Variants in STRBP observed in about 807,000 individuals in gnomAD.
STRBP encodes the protein spermatid perinuclear RNA binding protein.
In STRBP, 13 loss-of-function variants were observed where a neutral mutation model predicts 80.1. That is an observed-to-expected ratio of 0.16 (90% CI 0.11 to 0.26). STRBP has a LOEUF of 0.26. STRBP is among the 10% of genes least tolerant of loss of function. STRBP has a pLI of 1.00. For missense variants in STRBP, 485 were observed against 815.2 expected (o/e 0.59, Z 4.93); for synonymous variants, 284 against 291.2 (o/e 0.98, Z 0.25).
chr9:123,231,644 G>C (rs1385485026), intron 2 of STRBP, among the ~76,000 whole-genome samples: 1 of 152,088 alleles, frequency 6.6e-6, no homozygotes, highest in African/African-American at 2.4e-5. Flanking sequence ...AAGTACTAAA[G>C]ATTTTACTAC....
At chr9:123,165,530 GGTGTCTCTTAGTCTAAGCCACAA>G (rs2037718560) in intron 6 of STRBP, among the ~76,000 whole-genome samples, 1 of 152,076 alleles carries the variant, frequency 6.6e-6, no homozygotes, top group African/African-American at 2.4e-5. Flanking sequence ...TGAGGAGAGA[GGTGTCTCTTAGTCTAAGCCACAA>G]GTGTCTCTGT....
chr9:123,152,500 GTTAA>G (rs2037099728), intron 11 of STRBP, among the ~76,000 whole-genome samples: 1 of 151,948 alleles, frequency 6.6e-6, no homozygotes, highest in South Asian at 2.1e-4. Flanking sequence ...TAGGTAAACA[GTTAA>G]ATAAACTCTA....
intron 13 of STRBP, among the ~76,000 whole-genome samples, chr9:123,140,736 C>T (rs1311489904): frequency 6.6e-6 from 1 of 152,196 alleles, no homozygotes; most frequent in Non-Finnish European, 1.5e-5. Context: ...TTATGGCTAC[C>T]TCCAACGTTC....
chr9:123,135,650 G>C lies in STRBP; in HGVS notation c.1773+391C>G, dbSNP rs138359343. On this transcript the variant is annotated intron_variant, in intron 16 of 18. Coordinates refer to ENST00000348403, the MANE Select transcript of STRBP (RefSeq NM_018387.5). ...AAAGCACGAAACTGCAAAGGAACTG[G>C]AAGAGCACCCGCAGGCTGATGAAAG... is the stretch of plus-strand genomic sequence containing the variant. Among the ~76,000 whole-genome samples, 290 of 152,210 alleles carry C rather than the reference G, an allele frequency of 1.9e-3. 1 individual carries two copies. The highest frequency in any genetic ancestry group is 2.8e-3 in the Non-Finnish European group (189 of 68,008).
At chr9:123,229,930 T>C (rs896820483) in intron 2 of STRBP, among the ~76,000 whole-genome samples, 9 of 152,116 alleles carry the variant, frequency 5.9e-5, no homozygotes, top group Admixed American at 2.6e-4. Context: ...GCATAGGGTG[T>C]ATGAAGGTAT....
chr9:123,154,239 T>C (rs1191471161), intron 11 of STRBP, among the ~76,000 whole-genome samples: 1 of 152,224 alleles, frequency 6.6e-6, no homozygotes, highest in East Asian at 1.9e-4. Flanking sequence ...AGCATATTCA[T>C]AGTGGATACT....
intron 2 of STRBP, among the ~76,000 whole-genome samples, chr9:123,205,413 G>A (rs549551173): frequency 1.3e-5 from 2 of 152,298 alleles, no homozygotes; most frequent in Non-Finnish European, 2.9e-5. Context: ...CTGTACCACA[G>A]AGCATGGCAA....
chr9:123,193,747 G>A (rs776016797), intron 2 of STRBP, among the ~76,000 whole-genome samples: 4 of 151,430 alleles, frequency 2.6e-5, no homozygotes, highest in African/African-American at 7.3e-5. Flanking sequence ...TTATCCAACC[G>A]AAATTACGTG....
At chr9:123,174,929 T>C (rs570423637) in intron 4 of STRBP, among the ~76,000 whole-genome samples, 40 of 152,338 alleles carry the variant, frequency 2.6e-4, no homozygotes, top group Middle Eastern at 3.4e-3. Flanking sequence ...AGTGTTTGGG[T>C]ATGGCAAACA....
At chr9:123,147,172 CA>C (rs1255795303) in intron 12 of STRBP, 118 bp from the exon 13 acceptor site, 2 of 660,992 alleles carry the variant, frequency 3.0e-6, no homozygotes, top group African/African-American at 3.6e-5. Flanking sequence ...ATGAGGATTT[CA>C]AAACACACAG....
chr9:123,110,397 T>C lies in STRBP; in HGVS notation c.*85-644A>G, dbSNP rs1028152838. ...AGCCTCACTGTTCCTGGAAGTACGA[T>C]TGCCCTAATTTATGGTTACCTCAGG... is the stretch of plus-strand genomic sequence containing the variant. On this transcript the variant is annotated intron_variant and NMD_transcript_variant, in intron 3 of 3. Transcript: ENST00000471564. The surrounding 1 kb of genome is among the most constrained non-coding windows in gnomAD (Gnocchi z 4.1). The C allele has an allele frequency of 5.9e-6, 1 of 168,888 alleles. No homozygotes were observed. Among genetic ancestry groups the C allele is most frequent in the Non-Finnish European group, 1.5e-5 (1 of 68,140 alleles). The allele number at this position is 168,888 out of a possible 1,614,324, so 10.5% of individuals were successfully genotyped here.
At chr9:123,188,006 T>G (rs1311581480) in intron 2 of STRBP, among the ~76,000 whole-genome samples, 2 of 152,028 alleles carry the variant, frequency 1.3e-5, no homozygotes, top group African/African-American at 2.4e-5. Flanking sequence ...TCCCCTATGC[T>G]CCACCTATTT....
chr9:123,205,634 C>T (rs988007523), intron 2 of STRBP, among the ~76,000 whole-genome samples: 7 of 152,106 alleles, frequency 4.6e-5, no homozygotes, highest in African/African-American at 1.7e-4. Context: ...ATAGATTCAC[C>T]AATATTGTGT....
At chr9:123,192,181 A>T (rs2038948197) in intron 2 of STRBP, among the ~76,000 whole-genome samples, 1 of 152,232 alleles carries the variant, frequency 6.6e-6, no homozygotes, top group Non-Finnish European at 1.5e-5. Flanking sequence ...TTTATTAGAC[A>T]TCTAAGAAGG....
chr9:123,174,529 G>A (rs1161378638), intron 4 of STRBP, among the ~76,000 whole-genome samples: 1 of 152,172 alleles, frequency 6.6e-6, no homozygotes, highest in African/African-American at 2.4e-5. Flanking sequence ...AAGAACATCA[G>A]CACAGAAATC....
chr9:123,137,369 C>T (rs995842894), intron 14 of STRBP, among the ~76,000 whole-genome samples: 1 of 152,142 alleles, frequency 6.6e-6, no homozygotes. Context: ...GCTGAACACA[C>T]AAAATAAATG....
Position 123,136,540 on chromosome 9 carries a change from G to C in STRBP, c.1498-25C>G. 6.2e-7 allele frequency: 1 copy of C among 1,605,646 alleles called. No individual in the cohort carries two copies. Among genetic ancestry groups the C allele is most frequent in the South Asian group, 1.1e-5 (1 of 89,394 alleles). ...CCTATAAGAGAAAGGGAATCTGAAG[G>C]TTCAATCAAGTAAGATTTTAGAATA... On this transcript the variant is annotated intron_variant, in intron 14 of 18. Transcript: ENST00000348403. This position sits in a 1 kb window ranked among gnomAD's most constrained non-coding sequence, Gnocchi z 4.2.
intron 11 of STRBP, among the ~76,000 whole-genome samples, chr9:123,153,347 C>T (rs554650717): frequency 2.6e-5 from 4 of 152,038 alleles, no homozygotes; most frequent in Non-Finnish European, 5.9e-5. Context: ...CATGCCACCA[C>T]GCCCAGCTAA....
At chr9:123,248,258 C>CG (rs2040838525) in intron 1 of STRBP, among the ~76,000 whole-genome samples, 1 of 140,098 alleles carries the variant, frequency 7.1e-6, no homozygotes. Context: ...CCACCCCTAT[C>CG]GTGTTTTTTT....
Sources: allele counts gnomAD v4.1 joint callset (sites outside exome capture counted in the v4.1 genomes callset), GRCh38; gene constraint gnomAD v4.1.1; non-coding constraint Gnocchi (gnomAD v3.1); transcripts MANE v1.5; gene names NCBI Gene and HGNC (gene_info 2026-07-23, HGNC 2026-07-21).